VCL: variants seen among roughly 807,000 people sequenced by gnomAD.
VCL encodes the protein vinculin.
Under a neutral mutation model 125.7 loss-of-function variants are expected in VCL, and 47 were observed. That is an observed-to-expected ratio of 0.37 (90% confidence interval 0.30 to 0.48). The LOEUF (loss-of-function observed/expected upper bound fraction) is 0.48, where lower values mean the gene tolerates loss of function less well. Ranked by LOEUF, VCL falls within the 20% of genes least tolerant of loss-of-function variation. The probability of loss-of-function intolerance (pLI) is 0.99; values close to 1 mark genes in which losing one functional copy is unlikely to be tolerated. For synonymous variants in VCL, 458 were observed against 514.6 expected (o/e 0.89, Z 1.49); for missense variants, 1,069 against 1,455.5 (o/e 0.73, Z 4.32).
intron 1 of VCL, among the ~76,000 whole-genome samples, chr10:74,036,907 T>C (rs1255220732): frequency 1.3e-5 from 2 of 151,658 alleles, no homozygotes; most frequent in African/African-American, 2.4e-5. Context: ...CTTTTTTTCT[T>C]TTTCTTTTTT....
At chr10:74,103,256 C>A (rs1011868291) in intron 14 of VCL, among the ~76,000 whole-genome samples, 14 of 152,288 alleles carry the variant, frequency 9.2e-5, no homozygotes, top group African/African-American at 2.6e-4. Flanking sequence ...TAAGAATATG[C>A]ATGTACAGCC....
At chr10:74,013,849 C>T (rs1840483436) in intron 1 of VCL, among the ~76,000 whole-genome samples, 1 of 152,070 alleles carries the variant, frequency 6.6e-6, no homozygotes, top group Admixed American at 6.5e-5. Context: ...TATATTTTCC[C>T]ATGATTTTAA....
At chr10:74,109,752 G>C (rs904073780) in intron 18 of VCL, among the ~76,000 whole-genome samples, 8 of 152,212 alleles carry the variant, frequency 5.3e-5, no homozygotes, top group African/African-American at 1.9e-4. Context: ...CAGCAGTCTT[G>C]CCCTATGAAT....
intron 16 of VCL, among the ~76,000 whole-genome samples, 162 bp from the exon 17 acceptor site, chr10:74,107,068 C>T (rs890124560): frequency 2.0e-5 from 3 of 152,200 alleles, no homozygotes; most frequent in African/African-American, 7.2e-5. Context: ...GGCCTCAGGG[C>T]ATCTGCCTTG....
chr10:74,102,059 G>A (rs1244048444), intron 14 of VCL, among the ~76,000 whole-genome samples: 1 of 151,650 alleles, frequency 6.6e-6, no homozygotes, highest in South Asian at 2.1e-4. Flanking sequence ...TAGAGACAGG[G>A]TTTCTCCATG....
At chr10:74,079,699 T>C (rs1351048792) in intron 6 of VCL, among the ~76,000 whole-genome samples, 1 of 152,164 alleles carries the variant, frequency 6.6e-6, no homozygotes, top group Admixed American at 6.6e-5. Flanking sequence ...AAAAGAAATA[T>C]ATATGAAAGT....
At chr10:74,011,579 C>A (rs1431278292) in intron 1 of VCL, among the ~76,000 whole-genome samples, 2 of 152,072 alleles carry the variant, frequency 1.3e-5, no homozygotes, top group Non-Finnish European at 2.9e-5. Flanking sequence ...ATTTAATATA[C>A]CAGCTAGTCA....
At chr10:74,064,600 A>G (rs1841535816) in intron 2 of VCL, among the ~76,000 whole-genome samples, 1 of 151,706 alleles carries the variant, frequency 6.6e-6, no homozygotes, top group Non-Finnish European at 1.5e-5. Flanking sequence ...TAGAGATGAG[A>G]TCTTGCTCTG....
chr10:74,000,660 G>A (rs1272591637), intron 1 of VCL, among the ~76,000 whole-genome samples: 4 of 151,960 alleles, frequency 2.6e-5, no homozygotes, highest in African/African-American at 4.8e-5. Context: ...TGATTTGCCC[G>A]CCTCGGCCTC....
At chr10:74,102,570 G>C (rs1461028281) in intron 14 of VCL, among the ~76,000 whole-genome samples, 1 of 152,210 alleles carries the variant, frequency 6.6e-6, no homozygotes, top group Non-Finnish European at 1.5e-5. Flanking sequence ...GTGAACTTGT[G>C]AGGAGATATG....
At chr10:74,021,458 C>T (rs1840665498) in intron 1 of VCL, among the ~76,000 whole-genome samples, 1 of 151,906 alleles carries the variant, frequency 6.6e-6, no homozygotes, top group South Asian at 2.1e-4. Context: ...TGACTTAAAA[C>T]TTCCGAAGGC....
intron 18 of VCL, among the ~76,000 whole-genome samples, chr10:74,110,996 A>G (rs779447036): frequency 8.5e-5 from 13 of 152,258 alleles, no homozygotes; most frequent in African/African-American, 2.6e-4. Flanking sequence ...CCAAGTTCAC[A>G]TATTATTCTA....
chr10:74,112,632 G>T (rs1840245240), intron 19 of VCL, among the ~76,000 whole-genome samples: 1 of 152,056 alleles, frequency 6.6e-6, no homozygotes, highest in Admixed American at 6.6e-5. Context: ...CTTGATGGGA[G>T]TCCACAGAAA....
rs778105754 is a variant in VCL at position 74,089,385 on chromosome 10, T to C, written c.1176+36T>C. 1.8e-5 allele frequency: 29 copies of C among 1,611,760 alleles called. No individual in the cohort carries two copies. In the South Asian group the frequency reaches 2.5e-4, roughly 14 times the overall value. Reference sequence around the variant, plus strand: ...TGATTTTCAGGAGGGGTGGGAAATATTTCATAAATATCCTAAGTCATAAAT... The same window carrying C: ...TGATTTTCAGGAGGGGTGGGAAATACTTCATAAATATCCTAAGTCATAAAT... On this transcript the variant is annotated intron_variant, in intron 9 of 21. Coordinates refer to ENST00000211998, the MANE Select transcript of VCL (RefSeq NM_014000.3).
intron 6 of VCL, among the ~76,000 whole-genome samples, chr10:74,079,602 G>A (rs1234417366): frequency 6.6e-6 from 1 of 152,088 alleles, no homozygotes; most frequent in Non-Finnish European, 1.5e-5. Context: ...TAGTTGTCCA[G>A]TGAATTTGTT....
chr10:74,052,878 G>A (rs1490363058), intron 2 of VCL, among the ~76,000 whole-genome samples: 6 of 148,844 alleles, frequency 4.0e-5, no homozygotes, highest in Admixed American at 3.3e-4. Flanking sequence ...CATGAATATA[G>A]ATTTGCTGAT....
Position 74,097,098 on chromosome 10 carries a change from G to T in VCL, c.1744-106G>T. The stretch of plus-strand genomic sequence containing the variant: ...TGTACACAGTTAACAAATATTTATT[G>T]AATGAAAGACTGAATAGATGAATGA... On this transcript the variant is annotated intron_variant, in intron 12 of 21. Coordinates refer to ENST00000211998, the MANE Select transcript of VCL (RefSeq NM_014000.3). This position sits in a 1 kb window ranked among gnomAD's most constrained non-coding sequence, Gnocchi z 4.1. 1.3e-6 allele frequency: 2 copies of T among 1,507,728 alleles called. No individual in the cohort carries two copies. Among genetic ancestry groups the T allele is most frequent in the Non-Finnish European group, 1.8e-6 (2 of 1,102,744 alleles). The allele number at this position is 1,507,728 out of a possible 1,614,324, so 93.4% of individuals were successfully genotyped here. A position where few individuals can be genotyped will look rare whatever the true frequency, so the allele number is the denominator to read the frequency against.
chr10:74,021,993 A>G (rs534288168), intron 1 of VCL, among the ~76,000 whole-genome samples: 1 of 152,042 alleles, frequency 6.6e-6, no homozygotes, highest in East Asian at 1.9e-4. Context: ...TATAGCTCTG[A>G]TCTCAAAAGG....
At chr10:74,031,460 A>G (rs980687923) in intron 1 of VCL, among the ~76,000 whole-genome samples, 1 of 152,212 alleles carries the variant, frequency 6.6e-6, no homozygotes, top group Non-Finnish European at 1.5e-5. Flanking sequence ...TTGACTCCAA[A>G]TGGATCACAG....
Sources: allele counts gnomAD v4.1 joint callset (sites outside exome capture counted in the v4.1 genomes callset), GRCh38; gene constraint gnomAD v4.1.1; non-coding constraint Gnocchi (gnomAD v3.1); transcripts MANE v1.5; gene names NCBI Gene and HGNC (gene_info 2026-07-23, HGNC 2026-07-21).